Variants in UST observed in about 807,000 individuals in gnomAD.
UST encodes chondroitin sulfate 2-O-sulfotransferase.
Under a neutral mutation model 45.6 loss-of-function variants are expected in UST, and 21 were observed. The observed-to-expected ratio is 0.46, with a 90% CI of 0.33 to 0.66. The LOEUF is 0.66. UST is among the 30% of genes least tolerant of loss of function. UST has a pLI of 0.02. For missense variants in UST, 463 were observed against 512.4 expected (o/e 0.90, Z 0.93); for synonymous variants, 215 against 200.6 (o/e 1.07, Z -0.61).
At chr6:148,766,091 C>T (rs1776317321) in intron 1 of UST, among the ~76,000 whole-genome samples, 1 of 152,110 alleles carries the variant, frequency 6.6e-6, no homozygotes, top group African/African-American at 2.4e-5. Flanking sequence ...GCTTTTTCTG[C>T]AGCTGTTGAG....
chr6:148,960,364 T>TCCATGATGG (rs2114952172), intron 4 of UST, among the ~76,000 whole-genome samples: 1 of 152,344 alleles, frequency 6.6e-6, no homozygotes, highest in East Asian at 1.9e-4. Flanking sequence ...CCTGTTCTTT[T>TCCATGATGG]CCATGATGGC....
intron 2 of UST, among the ~76,000 whole-genome samples, chr6:148,896,391 C>T (rs1457025241): frequency 6.6e-6 from 1 of 152,202 alleles, no homozygotes; most frequent in Non-Finnish European, 1.5e-5. Context: ...GTGTGCAGGG[C>T]CGCCCTGCCT....
intron 1 of UST, among the ~76,000 whole-genome samples, chr6:148,819,821 T>C (rs900440179): frequency 2.0e-5 from 3 of 152,164 alleles, no homozygotes; most frequent in African/African-American, 7.2e-5. Flanking sequence ...AAGAAAAAAA[T>C]AGCATCTTCC....
At chr6:148,762,999 T>C (rs1239225391) in intron 1 of UST, among the ~76,000 whole-genome samples, 2 of 152,200 alleles carry the variant, frequency 1.3e-5, no homozygotes, top group Admixed American at 6.5e-5. Context: ...GAATGATTCT[T>C]TTCCTTCCCG....
chr6:148,841,723 A>G (rs1208163470), intron 1 of UST, among the ~76,000 whole-genome samples: 6 of 152,228 alleles, frequency 3.9e-5, no homozygotes, highest in African/African-American at 1.4e-4. Context: ...CCTAGAACAA[A>G]TAAGTCTCTG....
intron 1 of UST, among the ~76,000 whole-genome samples, chr6:148,871,481 T>A (rs1562283753): frequency 6.6e-6 from 1 of 152,186 alleles, no homozygotes; most frequent in Non-Finnish European, 1.5e-5. Flanking sequence ...CTTTATACTT[T>A]CCCAGACAGC....
chr6:148,989,326 C>G (rs1347038046), intron 5 of UST, among the ~76,000 whole-genome samples: 1 of 151,354 alleles, frequency 6.6e-6, no homozygotes, highest in Non-Finnish European at 1.5e-5. Flanking sequence ...AATTTCAGAG[C>G]CTTCCTTTTT....
chr6:149,039,474 C>T (rs1776280463), intron 7 of UST, among the ~76,000 whole-genome samples: 1 of 152,164 alleles, frequency 6.6e-6, no homozygotes, highest in African/African-American at 2.4e-5. Context: ...GATCCACCCG[C>T]CTCAGCCTCC....
In UST at chr6:148,911,128, T is replaced by G. The variant is rs574465954; in HGVS notation, c.291+24099T>G. Among the ~76,000 whole-genome samples, 15 of 152,282 alleles carry G rather than the reference T, an allele frequency of 9.9e-5. No homozygotes were observed. The South Asian group carries it at 3.1e-3, about 32-fold the overall frequency. On this transcript the variant is annotated intron_variant, in intron 2 of 7. Transcript: ENST00000367463. ...CCCTTGCCCTGACCCCAGGCACCTC[T>G]AGCCCTTTTTTCAGAGATTCAGAAA...
chr6:149,056,124 T>C (rs1245246725), intron 7 of UST, among the ~76,000 whole-genome samples: 9 of 108,812 alleles, frequency 8.3e-5, no homozygotes, highest in South Asian at 6.4e-4. Flanking sequence ...TTTCTTTTTT[T>C]TTTTTTTTTT....
chr6:149,050,468 G>A (rs1332015497), intron 7 of UST, among the ~76,000 whole-genome samples: 1 of 152,190 alleles, frequency 6.6e-6, no homozygotes, highest in Non-Finnish European at 1.5e-5. Context: ...TTTGGTAAGT[G>A]TGGACACACC....
chr6:148,840,953 G>A (rs551864369), intron 1 of UST, among the ~76,000 whole-genome samples: 1 of 151,570 alleles, frequency 6.6e-6, no homozygotes, highest in South Asian at 2.1e-4. Flanking sequence ...TTACCATGCT[G>A]TAGCCTCTGG....
At chr6:148,896,990 G>A (rs1369367149) in intron 2 of UST, among the ~76,000 whole-genome samples, 5 of 152,128 alleles carry the variant, frequency 3.3e-5, no homozygotes, top group African/African-American at 1.2e-4. Context: ...AATGCACTTA[G>A]CATGATGCCT....
intron 7 of UST, among the ~76,000 whole-genome samples, chr6:149,047,716 G>A (rs1235327831): frequency 6.6e-6 from 1 of 152,258 alleles, no homozygotes; most frequent in East Asian, 1.9e-4. Flanking sequence ...CCATGTTCAT[G>A]CATGAAAATA....
At chr6:148,751,901 T>C (rs1363107316) in intron 1 of UST, among the ~76,000 whole-genome samples, 1 of 152,244 alleles carries the variant, frequency 6.6e-6, no homozygotes, top group East Asian at 1.9e-4. Flanking sequence ...TAAGACTCAT[T>C]GATATAAACA....
intron 2 of UST, among the ~76,000 whole-genome samples, chr6:148,938,358 A>G (rs1277332990): frequency 6.6e-6 from 1 of 152,214 alleles, no homozygotes; most frequent in Admixed American, 6.5e-5. Context: ...TACATAATGG[A>G]AAAATTGCAC....
At chr6:148,770,182 G>T (rs555509009) in intron 1 of UST, among the ~76,000 whole-genome samples, 50 of 151,864 alleles carry the variant, frequency 3.3e-4, no homozygotes, top group African/African-American at 1.0e-3. Flanking sequence ...CATCATCTTC[G>T]TGCAGACATT....
chr6:148,899,209 C>T (rs1256194137), intron 2 of UST, among the ~76,000 whole-genome samples: 1 of 147,562 alleles, frequency 6.8e-6, no homozygotes, highest in African/African-American at 2.5e-5. Flanking sequence ...ACACCATTCT[C>T]CTGCCTCAGC....
At chr6:148,796,964 G>A (rs557604036) in intron 1 of UST, among the ~76,000 whole-genome samples, 148 of 151,534 alleles carry the variant, frequency 9.8e-4, no homozygotes, top group Non-Finnish European at 1.5e-3. Flanking sequence ...CATGATGTCC[G>A]GCTATGTTTT....
Sources: allele counts gnomAD v4.1 joint callset (sites outside exome capture counted in the v4.1 genomes callset), GRCh38; gene constraint gnomAD v4.1.1; transcripts MANE v1.5; gene names NCBI Gene and HGNC (gene_info 2026-07-23, HGNC 2026-07-21).